SLIT1: variants seen among roughly 807,000 people sequenced by gnomAD.
SLIT1 encodes slit homolog 1 protein.
In SLIT1, 66 loss-of-function variants were observed where a neutral mutation model predicts 186.1. That is an observed-to-expected ratio of 0.35 (90% CI 0.29 to 0.44). The LOEUF is 0.44. Ranked by LOEUF, SLIT1 falls within the 20% of genes least tolerant of loss-of-function variation. The probability of loss-of-function intolerance (pLI) is 1.00; values close to 1 mark genes in which losing one functional copy is unlikely to be tolerated. For missense variants in SLIT1, 1,638 were observed against 2,037.4 expected (o/e 0.80, Z 3.77); for synonymous variants, 761 against 833.8 (o/e 0.91, Z 1.50).
chr10:97,062,316 C>G (rs1848901038), intron 8 of SLIT1, among the ~76,000 whole-genome samples: 1 of 152,190 alleles, frequency 6.6e-6, no homozygotes, highest in Admixed American at 6.5e-5. Context: ...GAGGAGGTGA[C>G]AGCCACAGCC....
rs924215392 is a variant in SLIT1, at chr10:97,135,119, C to T, written c.413+22699G>A. ...GTAGGAAAAGCCAGAGGCCTACGGG[C>T]CCAGCCTGGGGAAAGCCCCGTGCCT... On this transcript the variant is annotated intron_variant, in intron 4 of 36. Coordinates refer to ENST00000266058, the MANE Select transcript of SLIT1 (RefSeq NM_003061.3). Among the ~76,000 whole-genome samples, 3 of 152,136 alleles carry T rather than the reference C, an allele frequency of 2.0e-5. No individual in the cohort carries two copies. The South Asian group carries it at 6.2e-4, about 32-fold the overall frequency.
rs754621746 is a variant in SLIT1 at position 97,045,387 on chromosome 10, C to T, written c.1853+1267G>A. Among the ~76,000 whole-genome samples the T allele has an allele frequency of 3.3e-5, 5 of 152,158 alleles. 1 individual carries two copies. Among genetic ancestry groups the T allele is most frequent in the Non-Finnish European group, 4.4e-5 (3 of 68,000 alleles). On this transcript the variant is annotated intron_variant, in intron 18 of 36. Coordinates refer to ENST00000266058, the MANE Select transcript of SLIT1 (RefSeq NM_003061.3). The stretch of plus-strand genomic sequence containing the variant: ...AAAGCAGGTTACTAAATAAAATGTA[C>T]GAGTCCATTAGAATATTTCTGTATG...
rs530559293 is a variant in SLIT1 at position 97,052,866 on chromosome 10, T to C, written c.1301+3455A>G. 4.6e-5 allele frequency among the ~76,000 whole-genome samples: 7 copies of C among 152,324 alleles called. No homozygotes were observed. In the South Asian group the frequency reaches 1.5e-3, roughly 32 times the overall value. ...GATAGTACCTTGGATTTCTATTTCT[T>C]TTATTCTTATTCCAAGTTGTAGTTC... On this transcript the variant is annotated intron_variant, in intron 13 of 36. Coordinates refer to ENST00000266058, the MANE Select transcript of SLIT1 (RefSeq NM_003061.3).
At chr10:97,014,204 TG>T (rs1171604875) in intron 28 of SLIT1, 46 bp from the exon 29 acceptor site, 1 of 1,604,734 alleles carries the variant, frequency 6.2e-7, no homozygotes. Context: ...CTTGGAACAC[TG>T]GTGGAAGCCT....
At chr10:97,057,055 G>T (rs1705009522) in intron 12 of SLIT1, among the ~76,000 whole-genome samples, 155 bp downstream of exon 12, 2 of 152,236 alleles carry the variant, frequency 1.3e-5, no homozygotes, top group African/African-American at 4.8e-5. Flanking sequence ...GAGCCCTGGA[G>T]ACTTTCTCAG....
intron 4 of SLIT1, among the ~76,000 whole-genome samples, chr10:97,092,775 C>A (rs531087385): frequency 6.6e-6 from 1 of 152,212 alleles, no homozygotes; most frequent in Non-Finnish European, 1.5e-5. Flanking sequence ...CCTATAAAAT[C>A]CATGCCAAGG....
chr10:97,060,127 G>A lies in SLIT1; in HGVS notation c.973C>T (p.Pro325Ser). The A allele has an allele frequency of 1.2e-6, 2 of 1,614,134 alleles. No homozygotes were observed. Among genetic ancestry groups the A allele is most frequent in the African/African-American group, 2.7e-5 (2 of 75,048 alleles). Residue 325 changes from proline (P) to serine (S), a missense_variant, in exon 10 of 37, where the codon CCT becomes TCT. By Grantham distance (74) the Pro-to-Ser change is moderately conservative (BLOSUM62 -1). Around this residue, in one of 3 missense-constraint regions of SLIT1, gnomAD observed 1,245 missense variants for 1,535.3 expected, o/e 0.81. Transcript: ENST00000266058. ...RLELNGIKSI[P>S]PGAFSPYRKL... is the part of the protein sequence containing the mutation. Reference sequence around the variant, plus strand: ...CTGTAGGGTGAGAAGGCTCCAGGAGGGATGGACTTGATGCCGTTCAGCTCC... The same window carrying A: ...CTGTAGGGTGAGAAGGCTCCAGGAGAGATGGACTTGATGCCGTTCAGCTCC...
intron 4 of SLIT1, among the ~76,000 whole-genome samples, chr10:97,085,933 G>A (rs1849155002): frequency 6.6e-6 from 1 of 152,184 alleles, no homozygotes; most frequent in African/African-American, 2.4e-5. Context: ...CTCTAGAGTG[G>A]CCAAAAGCCA....
At chr10:97,001,407 G>T (rs1292044844) in intron 36 of SLIT1, 57 bp from the exon 37 acceptor site, 5 of 1,362,232 alleles carry the variant, frequency 3.7e-6, no homozygotes, top group Non-Finnish European at 5.2e-6. Flanking sequence ...GTGAGCTGCT[G>T]CCTCCAGGGA....
intron 4 of SLIT1, among the ~76,000 whole-genome samples, chr10:97,093,148 G>T (rs61864223): frequency 0.11 from 17,281 of 152,244 alleles, 1,086 homozygotes; most frequent in Non-Finnish European, 0.14. Flanking sequence ...TGAGAAGAGG[G>T]CAGTGCGGCA....
Position 97,091,742 on chromosome 10 carries a change from G to A in SLIT1, c.414-25656C>T, listed in dbSNP as rs140475061. 4.4e-3 allele frequency among the ~76,000 whole-genome samples: 664 copies of A among 152,334 alleles called. 3 individuals are homozygous for A. The highest frequency in any genetic ancestry group is 6.8e-3 in the Middle Eastern group (2 of 294). The stretch of plus-strand genomic sequence containing the variant: ...GAACACCGAGGCTGAGAGAAGTCAG[G>A]TTGCTGGCTGAAGTGCACAGAGCTC... On this transcript the variant is annotated intron_variant, in intron 4 of 36. Coordinates refer to ENST00000266058, the MANE Select transcript of SLIT1 (RefSeq NM_003061.3).
intron 4 of SLIT1, among the ~76,000 whole-genome samples, chr10:97,144,479 A>G (rs928632183): frequency 5.3e-5 from 8 of 152,284 alleles, no homozygotes; most frequent in Middle Eastern, 3.4e-3. Flanking sequence ...CAGTCTATAA[A>G]CCAAAGAAAG....
chr10:97,173,703 G>A (rs1434349979), intron 1 of SLIT1, among the ~76,000 whole-genome samples: 1 of 152,076 alleles, frequency 6.6e-6, no homozygotes, highest in Non-Finnish European at 1.5e-5. Context: ...TCCAGGATGT[G>A]AGGTTGATGG....
At chr10:97,134,040 C>G (rs1849678804) in intron 4 of SLIT1, among the ~76,000 whole-genome samples, 4 of 152,212 alleles carry the variant, frequency 2.6e-5, no homozygotes, top group Non-Finnish European at 2.9e-5. Context: ...AGGGCGCTAT[C>G]AGGCCTGAGG....
chr10:97,047,957 C>G lies in SLIT1; in HGVS notation c.1489+16G>C, dbSNP rs766075542. 5 of 1,613,598 alleles carry G rather than the reference C, an allele frequency of 3.1e-6. No individual in the cohort carries two copies. The highest frequency in any genetic ancestry group is 4.2e-6 in the Non-Finnish European group (5 of 1,179,644). ...CATTCCCGCCAGGCTGGCCTTGGAT[C>G]CCCCCACTCTCCTACCTGGAATGAA... is the stretch of plus-strand genomic sequence containing the variant. On this transcript the variant is annotated intron_variant, in intron 15 of 36. Coordinates refer to ENST00000266058, the MANE Select transcript of SLIT1 (RefSeq NM_003061.3).
chr10:97,129,545 CGCAACTCCTTATTCTAAGA>C lies in SLIT1; in HGVS notation c.413+28254_413+28272del, dbSNP rs1185883827. 4.6e-5 allele frequency among the ~76,000 whole-genome samples: 7 copies of C among 152,290 alleles called. No homozygotes were observed. In the East Asian group the frequency reaches 1.4e-3, roughly 29 times the overall value. ...GGACTGTTGCAGCTAGAGCATCTAG[CGCAACTCCTTATTCTAAGA>C]TGAGGAATCGAAACTGCAGAATGGC... is the stretch of plus-strand genomic sequence containing the variant. On this transcript the variant is annotated intron_variant, in intron 4 of 36. Transcript: ENST00000266058.
intron 3 of SLIT1, among the ~76,000 whole-genome samples, chr10:97,162,522 G>A (rs185392438): frequency 2.6e-5 from 4 of 152,052 alleles, no homozygotes; most frequent in Non-Finnish European, 4.4e-5. Flanking sequence ...CTGAGGCGGG[G>A]GAATCGCTTG....
At chr10:97,182,345 T>G (rs886166715) in intron 1 of SLIT1, among the ~76,000 whole-genome samples, 1 of 152,198 alleles carries the variant, frequency 6.6e-6, no homozygotes, top group Non-Finnish European at 1.5e-5. Context: ...AAAAGGCAAA[T>G]GCACAGCTGC....
At chr10:97,145,269 C>T (rs1182030406) in intron 4 of SLIT1, among the ~76,000 whole-genome samples, 1 of 152,082 alleles carries the variant, frequency 6.6e-6, no homozygotes, top group Non-Finnish European at 1.5e-5. Context: ...AGGCGCCTGC[C>T]ATCACACCCG....
Sources: gnomAD v4.1 joint callset for allele counts (sites outside exome capture counted in the v4.1 genomes callset) on GRCh38, gnomAD v4.1.1 for gene constraint, gnomAD v4.1.1 regional missense constraint, MANE v1.5 for transcripts, NCBI Gene and HGNC (gene_info 2026-07-23, HGNC 2026-07-21) for gene names.